The following CSMD1 variants were observed in gnomAD, a reference collection of about 807,000 sequenced individuals.
The protein encoded by CSMD1 is CUB and sushi domain-containing protein 1.
A neutral mutation model predicts 417.5 loss-of-function variants in CSMD1; 213 were observed. The observed-to-expected ratio is 0.51, with a 90% confidence interval of 0.46 to 0.57. The LOEUF (loss-of-function observed/expected upper bound fraction) is 0.57. Ranked by LOEUF, CSMD1 falls within the 20% of genes least tolerant of loss-of-function variation. The pLI is 0.00. For synonymous variants in CSMD1, 2,862 were observed against 1,736.8 expected, an observed-to-expected ratio of 1.65 and a Z score of -16.11; for missense variants, 6,923 against 4,529.7, an observed-to-expected ratio of 1.53 and a Z score of -15.17.
intron 3 of CSMD1, among the ~76,000 whole-genome samples, chr8:4,252,809 A>T (rs1166227840): frequency 6.6e-6 from 1 of 152,192 alleles, no homozygotes; most frequent in Admixed American, 6.5e-5. Context: ...CACTTTCTCC[A>T]TGCCAAGGAT....
chr8:3,190,630 C>T (rs560259888), intron 33 of CSMD1, among the ~76,000 whole-genome samples: 19 of 152,226 alleles, frequency 1.2e-4, no homozygotes, highest in Admixed American at 1.0e-3. Context: ...CAATCCCACT[C>T]GTGTATACTT....
At chr8:4,080,980 A>G (rs975668413) in intron 3 of CSMD1, among the ~76,000 whole-genome samples, 1 of 152,140 alleles carries the variant, frequency 6.6e-6, no homozygotes, top group African/African-American at 2.4e-5. Flanking sequence ...CCCTTATACA[A>G]GAGGCTTCAC....
intron 3 of CSMD1, among the ~76,000 whole-genome samples, chr8:4,211,376 T>C (rs1286780225): frequency 6.6e-6 from 1 of 152,220 alleles, no homozygotes; most frequent in African/African-American, 2.4e-5. Context: ...TTTGAAGTAA[T>C]GCAATTCATT....
intron 3 of CSMD1, among the ~76,000 whole-genome samples, chr8:4,334,559 G>A (rs73660752): frequency 0.01 from 1,523 of 152,230 alleles, 22 homozygotes; most frequent in African/African-American, 0.034. Flanking sequence ...TAGTATGAAA[G>A]ATTGATGGAT....
At chr8:3,572,551 A>T (rs1799988594) in intron 10 of CSMD1, among the ~76,000 whole-genome samples, 1 of 152,236 alleles carries the variant, frequency 6.6e-6, no homozygotes, top group African/African-American at 2.4e-5. Context: ...TACCTGGAAC[A>T]TACACAGGTT....
At chr8:3,698,959 A>C (rs759542017) in intron 7 of CSMD1, among the ~76,000 whole-genome samples, 2 of 152,224 alleles carry the variant, frequency 1.3e-5, no homozygotes, top group Non-Finnish European at 2.9e-5. Context: ...TCAGGCATCC[A>C]GGCTGATGAA....
intron 28 of CSMD1, 70 bp from the exon 29 acceptor site, chr8:3,219,512 G>C (rs59507775): frequency 0.062 from 70,169 of 1,130,710 alleles, 2,806 homozygotes; most frequent in East Asian, 0.22. Flanking sequence ...GTAAGCCTTT[G>C]AGCTCAGAAA....
intron 2 of CSMD1, among the ~76,000 whole-genome samples, chr8:4,601,492 C>A (rs1249579348): frequency 6.6e-6 from 1 of 152,080 alleles, no homozygotes. Context: ...TGTGATATTA[C>A]AGAATAGACA....
In CSMD1 at chr8:3,802,047, T is replaced by C. The variant is rs73658281; in HGVS notation, c.819-48005A>G. ...GATGATGTAAGCATACAAAAATTCA[T>C]GGAATTGCACACTTTATGTGGATAA... On this transcript the variant is annotated intron_variant, in intron 5 of 69. Transcript: ENST00000635120. Among the ~76,000 whole-genome samples, 249 of 152,274 alleles carry C rather than the reference T, an allele frequency of 1.6e-3. 1 individual carries two copies. The highest frequency in any genetic ancestry group is 4.7e-3 in the African/African-American group (197 of 41,578).
chr8:3,354,062 G>C (rs1808583199), intron 21 of CSMD1, among the ~76,000 whole-genome samples: 1 of 152,142 alleles, frequency 6.6e-6, no homozygotes, highest in African/African-American at 2.4e-5. Flanking sequence ...TAACCAAAAT[G>C]TCTGTATAAA....
At chr8:4,413,789 C>T (rs1387991395) in intron 3 of CSMD1, among the ~76,000 whole-genome samples, 1 of 152,094 alleles carries the variant, frequency 6.6e-6, no homozygotes, top group African/African-American at 2.4e-5. Context: ...TCGGTAGCTT[C>T]TGGCAACTAA....
At chr8:3,944,390 T>C (rs1237604453) in intron 5 of CSMD1, among the ~76,000 whole-genome samples, 1 of 152,146 alleles carries the variant, frequency 6.6e-6, no homozygotes, top group East Asian at 1.9e-4. Flanking sequence ...CGACTGAATA[T>C]TGACAATTAA....
In CSMD1 at chr8:3,065,502, GAGAT is replaced by G. The variant is rs536653495; in HGVS notation, c.7475-12859_7475-12856del. 1.9e-3 allele frequency among the ~76,000 whole-genome samples: 295 copies of G among 152,182 alleles called. 4 individuals are homozygous for G. The highest frequency in any genetic ancestry group is 1.6e-3 in the Non-Finnish European group (108 of 67,976). ...CAATAGGAAGATAGATATATATAAA[GAGAT>G]AGGAAGATGATAGGAAGATGGATAC... On this transcript the variant is annotated intron_variant, in intron 49 of 69. Transcript: ENST00000635120.
At chr8:3,477,841 G>A (rs1046674623) in intron 11 of CSMD1, among the ~76,000 whole-genome samples, 1 of 152,174 alleles carries the variant, frequency 6.6e-6, no homozygotes, top group Admixed American at 6.5e-5. Flanking sequence ...CCAGGACATG[G>A]TAGTTACAGA....
At chr8:4,474,073 G>A (rs1438602511) in intron 2 of CSMD1, among the ~76,000 whole-genome samples, 1 of 152,118 alleles carries the variant, frequency 6.6e-6, no homozygotes, top group Non-Finnish European at 1.5e-5. Flanking sequence ...AACGTATAAT[G>A]TATGCAATTA....
intron 1 of CSMD1, among the ~76,000 whole-genome samples, chr8:4,796,917 G>C (rs914709634): frequency 5.9e-5 from 9 of 152,210 alleles, no homozygotes; most frequent in African/African-American, 1.2e-4. Flanking sequence ...TTAGGTCTCT[G>C]AGTGTGGCTG....
At chr8:4,332,328 G>C (rs375926575) in intron 3 of CSMD1, among the ~76,000 whole-genome samples, 69 of 152,148 alleles carry the variant, frequency 4.5e-4, no homozygotes, top group African/African-American at 1.5e-3. Flanking sequence ...CTCATATGAG[G>C]ATCACCAAAA....
rs184015768 is a variant in CSMD1 at position 4,701,208 on chromosome 8, T to A, written c.86-63650A>T. 6.3e-3 allele frequency among the ~76,000 whole-genome samples: 964 copies of A among 152,212 alleles called. 10 individuals carry two copies. The highest frequency in any genetic ancestry group is 0.028 in the Middle Eastern group (8 of 288). ...CCGCTGTGTGCCCCTAGTTCCCGAC[T>A]GTTCTTTGCTCAGAGCTCTCTCATC... On this transcript the variant is annotated intron_variant, in intron 1 of 69. Coordinates refer to ENST00000635120, the MANE Select transcript of CSMD1 (RefSeq NM_033225.6).
At chr8:4,960,793 A>G (rs538048835) in intron 1 of CSMD1, among the ~76,000 whole-genome samples, 88 of 152,328 alleles carry the variant, frequency 5.8e-4, no homozygotes, top group Non-Finnish European at 9.7e-4. Flanking sequence ...ACAGATGATC[A>G]TCTGTTATAA....
Sources: gnomAD v4.1 joint callset for allele counts (sites outside exome capture counted in the v4.1 genomes callset) on GRCh38, gnomAD v4.1.1 for gene constraint, MANE v1.5 for transcripts, NCBI Gene and HGNC (gene_info 2026-07-23, HGNC 2026-07-21) for gene names.